INPP4B: variants seen among roughly 807,000 people sequenced by gnomAD.
The protein encoded by INPP4B is inositol polyphosphate-4-phosphatase type II B.
INPP4B carries 55 observed loss-of-function variants against 122.5 expected under a neutral mutation model. The ratio of observed to expected loss-of-function variants is 0.45; its 90% CI spans 0.36 to 0.56. INPP4B has a LOEUF of 0.56. INPP4B is among the 20% of genes least tolerant of loss of function. The pLI is 0.00. For missense variants in INPP4B, 1,000 were observed against 1,097.7 expected (o/e 0.91, Z 1.26); for synonymous variants, 403 against 388.7 (o/e 1.04, Z -0.43).
intron 1 of INPP4B, among the ~76,000 whole-genome samples, chr4:142,799,969 T>C (rs946258867): frequency 6.6e-6 from 1 of 152,088 alleles, no homozygotes; most frequent in Non-Finnish European, 1.5e-5. Flanking sequence ...TCTTTTGGAT[T>C]ATTTTCACAG....
At chr4:142,119,907 T>C (rs541955053) in intron 21 of INPP4B, among the ~76,000 whole-genome samples, 135 of 151,042 alleles carry the variant, frequency 8.9e-4, no homozygotes, top group South Asian at 4.2e-4. Flanking sequence ...TGTATATATA[T>C]GTATATATAT....
intron 2 of INPP4B, among the ~76,000 whole-genome samples, chr4:142,468,802 C>A (rs951022509): frequency 2.0e-5 from 3 of 152,118 alleles, no homozygotes; most frequent in Non-Finnish European, 4.4e-5. Flanking sequence ...GCCAAATAAA[C>A]CTCTTTTCTT....
At chr4:142,147,674 G>C (rs1811523527) in intron 17 of INPP4B, among the ~76,000 whole-genome samples, 1 of 152,146 alleles carries the variant, frequency 6.6e-6, no homozygotes, top group African/African-American at 2.4e-5. Context: ...GCTTTCCTAA[G>C]TAAATCAAGC....
intron 2 of INPP4B, among the ~76,000 whole-genome samples, chr4:142,539,384 A>T (rs977663859): frequency 2.6e-5 from 4 of 152,050 alleles, no homozygotes; most frequent in African/African-American, 9.7e-5. Flanking sequence ...AATTAGGTTA[A>T]TTCTAATAGC....
chr4:142,377,599 C>T (rs1792437198), intron 7 of INPP4B, among the ~76,000 whole-genome samples: 1 of 151,914 alleles, frequency 6.6e-6, no homozygotes, highest in Admixed American at 6.6e-5. Flanking sequence ...GGCATATTGC[C>T]ATCTGTAATG....
chr4:142,657,432 C>T (rs984025169), intron 2 of INPP4B, among the ~76,000 whole-genome samples: 1 of 152,172 alleles, frequency 6.6e-6, no homozygotes, highest in African/African-American at 2.4e-5. Flanking sequence ...ACTAAGAATG[C>T]AAACCTTGGC....
chr4:142,104,298 T>C (rs1319882505), intron 23 of INPP4B, among the ~76,000 whole-genome samples: 2 of 152,148 alleles, frequency 1.3e-5, no homozygotes, highest in African/African-American at 4.8e-5. Flanking sequence ...CAGTTTGTGT[T>C]AGTGATTTAC....
At chr4:142,280,709 C>A (rs1250842556) in intron 9 of INPP4B, among the ~76,000 whole-genome samples, 1 of 151,894 alleles carries the variant, frequency 6.6e-6, no homozygotes, top group Non-Finnish European at 1.5e-5. Flanking sequence ...CATCCATTTT[C>A]TCCGATAATA....
chr4:142,634,637 C>T (rs1224846183), intron 2 of INPP4B, among the ~76,000 whole-genome samples: 1 of 151,964 alleles, frequency 6.6e-6, no homozygotes, highest in Non-Finnish European at 1.5e-5. Context: ...CCATTTATTC[C>T]TGATTAAAAT....
At chr4:142,787,297 A>G (rs1775897431) in intron 1 of INPP4B, among the ~76,000 whole-genome samples, 2 of 152,144 alleles carry the variant, frequency 1.3e-5, no homozygotes, top group African/African-American at 4.8e-5. Context: ...TCGGCCATGC[A>G]GTCTCTGCTC....
chr4:142,282,008 A>G (rs1206051186), intron 9 of INPP4B, among the ~76,000 whole-genome samples: 1 of 152,108 alleles, frequency 6.6e-6, no homozygotes, highest in Non-Finnish European at 1.5e-5. Flanking sequence ...ATAATGTAAC[A>G]GAACAAAATT....
intron 2 of INPP4B, among the ~76,000 whole-genome samples, chr4:142,510,498 A>G (rs1358320884): frequency 1.3e-5 from 2 of 152,238 alleles, no homozygotes; most frequent in Non-Finnish European, 2.9e-5. Flanking sequence ...CAAATACACA[A>G]TAAAATAATT....
intron 15 of INPP4B, among the ~76,000 whole-genome samples, chr4:142,189,181 G>A (rs1000215541): frequency 5.9e-5 from 9 of 152,178 alleles, no homozygotes; most frequent in African/African-American, 2.2e-4. Context: ...TAGGTGACAA[G>A]GCTTCTTTAG....
At chr4:142,403,081 G>T (rs1336388656) in intron 6 of INPP4B, 27 bp from the exon 7 acceptor site, 2 of 1,247,656 alleles carry the variant, frequency 1.6e-6, no homozygotes, top group Non-Finnish European at 2.4e-6. Flanking sequence ...AGACAACTTT[G>T]ATTCAATAAG....
intron 10 of INPP4B, among the ~76,000 whole-genome samples, chr4:142,268,349 A>AAAAAAAAAAAAAAAAAAAAAAAGGG (rs1579529886): frequency 7.0e-6 from 1 of 142,880 alleles, no homozygotes; most frequent in African/African-American, 2.6e-5. Flanking sequence ...AAAAAAAATG[A>AAAAAAAAAAAAAAAAAAAAAAAGGG]GGGGTAAGTA....
At chr4:142,312,733 G>A (rs1320506808) in intron 8 of INPP4B, among the ~76,000 whole-genome samples, 1 of 152,312 alleles carries the variant, frequency 6.6e-6, no homozygotes, top group East Asian at 1.9e-4. Context: ...GGGGTGGGCA[G>A]TGGAGGAAGT....
intron 25 of INPP4B, among the ~76,000 whole-genome samples, chr4:142,054,073 G>T (rs1334667923): frequency 6.7e-6 from 1 of 148,690 alleles, no homozygotes; most frequent in Non-Finnish European, 1.5e-5. Context: ...GGATAACATT[G>T]CTGTTTTATA....
At chr4:142,288,538 C>T (rs567211014) in intron 9 of INPP4B, among the ~76,000 whole-genome samples, 34 of 152,136 alleles carry the variant, frequency 2.2e-4, no homozygotes, top group Admixed American at 1.4e-3. Flanking sequence ...GAGCTGGGAT[C>T]GGCCACTGCA....
intron 2 of INPP4B, among the ~76,000 whole-genome samples, chr4:142,697,980 G>A (rs1189502665): frequency 6.6e-6 from 1 of 151,938 alleles, no homozygotes; most frequent in African/African-American, 2.4e-5. Flanking sequence ...ACAAAACAAG[G>A]GCTATAATTT....
Sources: gnomAD v4.1 joint callset for allele counts (sites outside exome capture counted in the v4.1 genomes callset) on GRCh38, gnomAD v4.1.1 for gene constraint, MANE v1.5 for transcripts, NCBI Gene and HGNC (gene_info 2026-07-23, HGNC 2026-07-21) for gene names.